The following COL23A1 variants were observed in gnomAD, a reference collection of about 807,000 sequenced individuals.
COL23A1 encodes collagen alpha-1(XXIII) chain.
Under a neutral mutation model 99.3 loss-of-function variants are expected in COL23A1, and 97 were observed. That is an observed-to-expected ratio of 0.98 (90% CI 0.83 to 1.16). COL23A1 has a LOEUF of 1.16. COL23A1 is among the 50% of genes most tolerant of loss of function. The probability of loss-of-function intolerance (pLI) is 0.00; values close to 1 mark genes in which losing one functional copy is unlikely to be tolerated. For missense variants in COL23A1, 762 were observed against 757.4 expected, an observed-to-expected ratio of 1.01 and a Z score of -0.07; for synonymous variants, 320 against 308.2, an observed-to-expected ratio of 1.04 and a Z score of -0.40.
chr5:178,350,696 G>C (rs745435960), intron 2 of COL23A1, among the ~76,000 whole-genome samples: 1 of 152,188 alleles, frequency 6.6e-6, no homozygotes, highest in Non-Finnish European at 1.5e-5. Flanking sequence ...AATGGGACCA[G>C]GCTGCCCGAG....
intron 8 of COL23A1, among the ~76,000 whole-genome samples, chr5:178,264,022 A>G (rs137964292): frequency 6.6e-6 from 1 of 152,332 alleles, no homozygotes; most frequent in Non-Finnish European, 1.5e-5. Context: ...GAAGAGATGG[A>G]GAGCCCATAA....
chr5:178,370,390 C>T (rs566287309), intron 2 of COL23A1, among the ~76,000 whole-genome samples: 9 of 152,148 alleles, frequency 5.9e-5, no homozygotes, highest in African/African-American at 1.2e-4. Context: ...GAAGACATGA[C>T]GCTAAGTGAA....
At chr5:178,481,336 T>C (rs1757328079) in intron 2 of COL23A1, among the ~76,000 whole-genome samples, 1 of 152,086 alleles carries the variant, frequency 6.6e-6, no homozygotes, top group South Asian at 2.1e-4. Context: ...AAATAATTTC[T>C]TGGATATGAC....
chr5:178,246,089 G>A (rs939687844), intron 24 of COL23A1, 121 bp from the exon 25 acceptor site: 27 of 1,336,454 alleles, frequency 2.0e-5, no homozygotes, highest in Admixed American at 3.5e-5. Flanking sequence ...CACCAACCAC[G>A]CAGGCATAGA....
intron 2 of COL23A1, among the ~76,000 whole-genome samples, chr5:178,312,353 G>A (rs927963496): frequency 2.2e-4 from 33 of 152,312 alleles, no homozygotes; most frequent in Admixed American, 2.2e-3. Flanking sequence ...GGACGTCTGA[G>A]AGCAGCATCA....
intron 2 of COL23A1, among the ~76,000 whole-genome samples, chr5:178,315,847 C>T (rs1407542205): frequency 1.4e-5 from 2 of 141,436 alleles, no homozygotes; most frequent in African/African-American, 5.2e-5. Flanking sequence ...CTGATAATTG[C>T]TAATAAAAAA....
chr5:178,577,930 GA>G (rs1763464069), intron 1 of COL23A1, among the ~76,000 whole-genome samples: 1 of 152,230 alleles, frequency 6.6e-6, no homozygotes, highest in Non-Finnish European at 1.5e-5. Context: ...ACTTGGACGG[GA>G]TAACTTCCAC....
chr5:178,362,382 C>T (rs1274730325), intron 2 of COL23A1, among the ~76,000 whole-genome samples: 1 of 152,216 alleles, frequency 6.6e-6, no homozygotes, highest in Non-Finnish European at 1.5e-5. Context: ...CACAGCACGA[C>T]ACCAGCCTCT....
intron 5 of COL23A1, among the ~76,000 whole-genome samples, chr5:178,271,313 C>T (rs1406992333): frequency 6.6e-6 from 1 of 152,202 alleles, no homozygotes; most frequent in African/African-American, 2.4e-5. Context: ...ATACACTTCA[C>T]TCTTGGCCGC....
chr5:178,350,499 C>T (rs1041708151), intron 2 of COL23A1, among the ~76,000 whole-genome samples: 4 of 152,052 alleles, frequency 2.6e-5, no homozygotes, highest in African/African-American at 4.8e-5. Flanking sequence ...GGGCCCAGCG[C>T]GATGTCAGGA....
At chr5:178,573,057 A>AGGGAGGGAACTGAACGAGGC (rs1264802048) in intron 1 of COL23A1, among the ~76,000 whole-genome samples, 1 of 152,214 alleles carries the variant, frequency 6.6e-6, no homozygotes, top group Non-Finnish European at 1.5e-5. Context: ...GAGGGATGGA[A>AGGGAGGGAACTGAACGAGGC]GGGAGGGAAC....
Position 178,590,359 on chromosome 5 carries a change from GC to G in COL23A1, c.-163del. On this transcript the variant is annotated 5_prime_UTR_variant, in exon 1 of 29. Coordinates refer to ENST00000390654, the MANE Select transcript of COL23A1 (RefSeq NM_173465.4). The surrounding 1 kb of genome is among the most constrained non-coding windows in gnomAD (Gnocchi z 5.7). The stretch of plus-strand genomic sequence containing the variant: ...CGCCGCGCACGCCCCCTTCGCCGCA[GC>G]CAGCTCCTCCACAGCGGCCACTTTG... The G allele has an allele frequency of 1.9e-6, 1 of 538,774 alleles. No individual in the cohort carries two copies. Among genetic ancestry groups the G allele is most frequent in the Non-Finnish European group, 2.7e-6 (1 of 377,168 alleles). The allele number at this position is 538,774 out of a possible 1,614,324, so 33.4% of individuals were successfully genotyped here. A position where few individuals can be genotyped will look rare whatever the true frequency, so the allele number is the denominator to read the frequency against.
At chr5:178,343,651 T>TTTTA (rs1554141713) in intron 2 of COL23A1, among the ~76,000 whole-genome samples, 8 of 127,140 alleles carry the variant, frequency 6.3e-5, no homozygotes, top group African/African-American at 2.3e-4. Context: ...AATTTTTCCA[T>TTTTA]TATATATATA....
At chr5:178,318,003 G>A (rs1466777240) in intron 2 of COL23A1, among the ~76,000 whole-genome samples, 4 of 152,132 alleles carry the variant, frequency 2.6e-5, no homozygotes, top group African/African-American at 7.2e-5. Flanking sequence ...CCCACAATAC[G>A]TGGGAGTTAT....
At chr5:178,421,935 G>C (rs1012503592) in intron 2 of COL23A1, among the ~76,000 whole-genome samples, 1 of 141,658 alleles carries the variant, frequency 7.1e-6, no homozygotes, top group East Asian at 1.9e-4. Context: ...GAAGAACGCC[G>C]GGGGGTGGAG....
At chr5:178,505,497 C>T (rs1758816557) in intron 2 of COL23A1, among the ~76,000 whole-genome samples, 1 of 152,072 alleles carries the variant, frequency 6.6e-6, no homozygotes, top group Admixed American at 6.5e-5. Context: ...GTGATCCGCC[C>T]ACCTCAGCCT....
chr5:178,407,161 C>G (rs1334548214), intron 2 of COL23A1, among the ~76,000 whole-genome samples: 5 of 152,158 alleles, frequency 3.3e-5, no homozygotes, highest in Admixed American at 3.3e-4. Context: ...GCACTCCTGC[C>G]CCACCCAGCA....
In COL23A1 at chr5:178,560,690, C is replaced by T; in HGVS notation, c.353G>A (p.Cys118Tyr). 1 of 1,612,356 alleles carries T rather than the reference C, an allele frequency of 6.2e-7. No homozygotes were observed. The change falls in exon 2 of 29, where the codon TGC becomes TAC. Residue 118 changes from cysteine (C) to tyrosine (Y), a missense_variant. Transcript: ENST00000390654. ...TAREAPSECV[C>Y]PPGPPGRRGK... Reference sequence around the variant, plus strand: ...GCTCAACCTTCACTTACCTGGGGGGCAGACACATTCGGATGGAGCTTCCCG... The same window carrying T: ...GCTCAACCTTCACTTACCTGGGGGGTAGACACATTCGGATGGAGCTTCCCG...
At chr5:178,527,753 C>G (rs992491146) in intron 2 of COL23A1, among the ~76,000 whole-genome samples, 1 of 152,226 alleles carries the variant, frequency 6.6e-6, no homozygotes, top group South Asian at 2.1e-4. Flanking sequence ...GACGCCCCTG[C>G]CCACGCCCCT....
Sources: allele counts gnomAD v4.1 joint callset (sites outside exome capture counted in the v4.1 genomes callset), GRCh38; gene constraint gnomAD v4.1.1; non-coding constraint Gnocchi (gnomAD v3.1); transcripts MANE v1.5; gene names NCBI Gene and HGNC (gene_info 2026-07-23, HGNC 2026-07-21).